The following AKAP12 variants were observed in gnomAD, a reference collection of about 807,000 sequenced individuals.
AKAP12 encodes A-kinase anchor protein 12.
Under a neutral mutation model 79.9 loss-of-function variants are expected in AKAP12, and 32 were observed. That is an observed-to-expected ratio of 0.40 (90% CI 0.30 to 0.54). AKAP12 has a LOEUF of 0.54. AKAP12 is among the 20% of genes least tolerant of loss of function. AKAP12 has a pLI of 0.48. For missense variants in AKAP12, 2,074 were observed against 2,177.0 expected, an observed-to-expected ratio of 0.95 and a Z score of 0.94; for synonymous variants, 808 against 857.0, an observed-to-expected ratio of 0.94 and a Z score of 1.00.
chr6:151,323,734 ATAGCTGT>A, intron 3 of AKAP12: 4 of 985,378 alleles, frequency 4.1e-6, no homozygotes, highest in Non-Finnish European at 4.8e-6. Context: ...GCTCAGTGGA[ATAGCTGT>A]TGCTTGTCCC....
At chr6:151,254,816 A>G (rs187019384) in intron 2 of AKAP12, among the ~76,000 whole-genome samples, 96 of 152,358 alleles carry the variant, frequency 6.3e-4, no homozygotes, top group African/African-American at 2.2e-3. Flanking sequence ...AATCGCAACA[A>G]TGACAGAGAT....
At chr6:151,242,825 G>A (rs746881190) in intron 2 of AKAP12, among the ~76,000 whole-genome samples, 2 of 152,200 alleles carry the variant, frequency 1.3e-5, no homozygotes. Context: ...TCCTTCATGC[G>A]TGCCATGTTG....
intron 2 of AKAP12, among the ~76,000 whole-genome samples, chr6:151,270,245 A>G (rs1476826016): frequency 2.0e-5 from 3 of 152,080 alleles, no homozygotes; most frequent in Non-Finnish European, 4.4e-5. Context: ...TTTAGTAGAG[A>G]TGGAATTTCT....
intron 2 of AKAP12, among the ~76,000 whole-genome samples, chr6:151,266,471 CAG>C (rs1323455874): frequency 1.3e-5 from 2 of 152,106 alleles, no homozygotes; most frequent in African/African-American, 2.4e-5. Context: ...TGTGGAAGGA[CAG>C]AGGAGGGAGG....
rs566049455 is a variant in AKAP12 at position 151,279,528 on chromosome 6, C to T, written c.163-26219C>T. On this transcript the variant is annotated intron_variant, in intron 2 of 4. Coordinates refer to ENST00000402676, the MANE Select transcript of AKAP12 (RefSeq NM_005100.4). ...TTTTTAATATGTATGCAAGAAGAAACGAGAAATATACGATAAAGGATAAAG... is the reference window on the plus strand; with the variant it reads ...TTTTTAATATGTATGCAAGAAGAAATGAGAAATATACGATAAAGGATAAAG... Among the ~76,000 whole-genome samples the T allele has an allele frequency of 5.9e-5, 9 of 151,962 alleles. No homozygotes were observed. In the East Asian group the frequency reaches 1.2e-3, roughly 20 times the overall value.
At chr6:151,245,220 A>G (rs1273207156) in intron 2 of AKAP12, among the ~76,000 whole-genome samples, 1 of 152,120 alleles carries the variant, frequency 6.6e-6, no homozygotes, top group East Asian at 1.9e-4. Context: ...CCCCATCTCT[A>G]TAATTCTATA....
intron 3 of AKAP12, chr6:151,343,867 C>T: frequency 4.8e-6 from 2 of 418,878 alleles, no homozygotes; most frequent in Non-Finnish European, 9.0e-6. Context: ...AAATTCATCA[C>T]AGTGTCAGTT....
chr6:151,320,040 G>C (rs1777338010), intron 3 of AKAP12: 1 of 152,184 alleles, frequency 6.6e-6, no homozygotes, highest in Non-Finnish European at 1.5e-5. Context: ...GTTGAATTTA[G>C]TGTGCAAGTC....
chr6:151,255,656 G>A (rs1036004839), intron 2 of AKAP12, among the ~76,000 whole-genome samples: 1 of 151,992 alleles, frequency 6.6e-6, no homozygotes, highest in African/African-American at 2.4e-5. Flanking sequence ...CAAGCATGGT[G>A]GCATGTGCCT....
chr6:151,324,500 G>A (rs570283743), intron 3 of AKAP12: 3 of 985,306 alleles, frequency 3.0e-6, no homozygotes, highest in African/African-American at 3.5e-5. Context: ...CCTGTTCCTC[G>A]CCCACCCTTC....
chr6:151,297,585 A>G (rs1235121738), intron 2 of AKAP12, among the ~76,000 whole-genome samples: 1 of 151,778 alleles, frequency 6.6e-6, no homozygotes, highest in East Asian at 1.9e-4. Context: ...AAAAAAAAAA[A>G]AAAAAGGCTA....
chr6:151,270,578 C>T (rs1258004154), intron 2 of AKAP12, among the ~76,000 whole-genome samples: 1 of 152,114 alleles, frequency 6.6e-6, no homozygotes, highest in East Asian at 1.9e-4. Context: ...TATGTTAACC[C>T]TTTGTTTAAC....
intron 2 of AKAP12, among the ~76,000 whole-genome samples, chr6:151,299,481 G>C (rs1323215243): frequency 6.6e-6 from 1 of 152,038 alleles, no homozygotes; most frequent in African/African-American, 2.4e-5. Flanking sequence ...GGTACATATT[G>C]TTCCAGACTT....
At chr6:151,332,390 A>G (rs1777699893) in intron 3 of AKAP12, among the ~76,000 whole-genome samples, 1 of 152,208 alleles carries the variant, frequency 6.6e-6, no homozygotes, top group African/African-American at 2.4e-5. Flanking sequence ...CTTCTTGGGT[A>G]TATTCAGAAA....
At chr6:151,252,744 A>G (rs1366788333) in intron 2 of AKAP12, among the ~76,000 whole-genome samples, 1 of 151,646 alleles carries the variant, frequency 6.6e-6, no homozygotes, top group African/African-American at 2.4e-5. Flanking sequence ...AAAAAAAAAA[A>G]AAAAAAAAAA....
intron 2 of AKAP12, 133 bp from the exon 3 acceptor site, chr6:151,305,612 ACT>A: frequency 2.3e-6 from 2 of 864,644 alleles, no homozygotes. Context: ...ATAAGACTTA[ACT>A]CTTCATTGTT....
intron 3 of AKAP12, among the ~76,000 whole-genome samples, chr6:151,309,988 AAAAG>A (rs1450658123): frequency 2.0e-5 from 3 of 152,062 alleles, no homozygotes; most frequent in Non-Finnish European, 4.4e-5. Context: ...AAAAAAAAGA[AAAAG>A]AAAAGCTCCC....
intron 3 of AKAP12, among the ~76,000 whole-genome samples, chr6:151,345,951 GAGAGAGAGAGAGAA>G (rs1226333956): frequency 6.6e-6 from 1 of 151,164 alleles, no homozygotes; most frequent in Non-Finnish European, 1.5e-5. Context: ...GAGAGAGAGA[GAGAGAGAGAGAGAA>G]AGGAGAGACA....
In AKAP12 at chr6:151,307,865, T is replaced by G. The variant is rs117770430; in HGVS notation, c.319+1962T>G. The stretch of plus-strand genomic sequence containing the variant: ...ATGCAGGAAGGGTGGTGATTTTTAT[T>G]TTTTATTTTTTGAGATGGTGTCTCA... On this transcript the variant is annotated intron_variant, in intron 3 of 4. Transcript: ENST00000402676. Among the ~76,000 whole-genome samples the G allele has an allele frequency of 1.5e-3, 233 of 152,232 alleles. 1 individual carries two copies. Among genetic ancestry groups the G allele is most frequent in the East Asian group, 8.3e-3 (43 of 5,176 alleles).
Sources: allele counts gnomAD v4.1 joint callset (sites outside exome capture counted in the v4.1 genomes callset), GRCh38; gene constraint gnomAD v4.1.1; transcripts MANE v1.5; gene names NCBI Gene and HGNC (gene_info 2026-07-23, HGNC 2026-07-21).